The following KLHDC10 variants were observed in gnomAD, a reference collection of about 807,000 sequenced individuals.
KLHDC10 encodes kelch domain-containing protein 10.
Under a neutral mutation model 56.1 loss-of-function variants are expected in KLHDC10, and 24 were observed. The ratio of observed to expected loss-of-function variants is 0.43; its 90% CI spans 0.31 to 0.60. The LOEUF (loss-of-function observed/expected upper bound fraction) is 0.60, where lower values mean the gene tolerates loss of function less well. KLHDC10 is among the 20% of genes least tolerant of loss of function. The pLI is 0.11. For missense variants in KLHDC10, 349 were observed against 567.0 expected (o/e 0.62, Z 3.91); for synonymous variants, 188 against 207.1 (o/e 0.91, Z 0.79).
At position 130,096,788 on chromosome 7, in the gene KLHDC10, C is replaced by T. The variant is rs1410034338; in HGVS notation, c.167-133C>T. 4 of 565,002 alleles carry T rather than the reference C, an allele frequency of 7.1e-6. No homozygotes were observed. In the African/African-American group the frequency reaches 7.4e-5, roughly 11 times the overall value. 35.0% of individuals were successfully genotyped at this position (565,002 alleles called of 1,614,324 possible). ...ACTTCCAAAACAGGGTTAAATGCTA[C>T]TTTACGTCACTTTCTTTCTGTATTC... On this transcript the variant is annotated intron_variant, in intron 1 of 9. Transcript: ENST00000335420.
intron 2 of KLHDC10, among the ~76,000 whole-genome samples, chr7:130,113,767 G>A (rs1796132632): frequency 6.6e-6 from 1 of 152,162 alleles, no homozygotes; most frequent in Non-Finnish European, 1.5e-5. Flanking sequence ...TACTTTCCCT[G>A]CTGTACAGCC....
In KLHDC10 at chr7:130,125,811, T is replaced by A. The variant is rs1300449092; in HGVS notation, c.865-54T>A. ...TTTTTTAAAAAATCCTTTTTCAGGC[T>A]AGCTAAAATTACAATTATTTATGTA... On this transcript the variant is annotated intron_variant, in intron 6 of 9. Transcript: ENST00000335420. The A allele has an allele frequency of 1.3e-5, 18 of 1,352,892 alleles. No homozygotes were observed. In the South Asian group the frequency reaches 1.4e-4, roughly 11 times the overall value. The allele number at this position is 1,352,892 out of a possible 1,614,324, so 83.8% of individuals were successfully genotyped here.
chr7:130,071,266 A>G (rs1795405661), intron 1 of KLHDC10, among the ~76,000 whole-genome samples: 1 of 152,216 alleles, frequency 6.6e-6, no homozygotes, highest in Non-Finnish European at 1.5e-5. Flanking sequence ...TGTAAGAGGC[A>G]TTCTGAAACG....
intron 8 of KLHDC10, among the ~76,000 whole-genome samples, chr7:130,128,889 A>AAT (rs1554468213): frequency 0.015 from 986 of 66,874 alleles, 34 homozygotes; most frequent in Middle Eastern, 0.033. Context: ...AAAAAAAAAA[A>AAT]ATATATATAT....
chr7:130,134,123 C>T lies in KLHDC10; in HGVS notation c.*3377C>T, dbSNP rs1796436241. 1 of 152,200 alleles carries T rather than the reference C, an allele frequency of 6.6e-6. No individual in the cohort carries two copies. The highest frequency in any genetic ancestry group is 1.5e-5 in the Non-Finnish European group (1 of 68,030). 9.4% of individuals were successfully genotyped at this position (152,200 alleles called of 1,614,324 possible). On this transcript the variant is annotated 3_prime_UTR_variant, in exon 10 of 10. Transcript: ENST00000335420. ...TGAAATCCATAGATAATCAGTGAAT[C>T]AACTTTCCTACCAAACAATAGATTC... is the stretch of plus-strand genomic sequence containing the variant.
At chr7:130,127,901 A>T (rs752501769) in intron 8 of KLHDC10, among the ~76,000 whole-genome samples, 1 of 152,346 alleles carries the variant, frequency 6.6e-6, no homozygotes, top group African/African-American at 2.4e-5. Context: ...TTCTTTGGCC[A>T]TATTACAACA....
At chr7:130,075,175 G>T in intron 1 of KLHDC10, among the ~76,000 whole-genome samples, 1 of 152,272 alleles carries the variant, frequency 6.6e-6, no homozygotes, top group Admixed American at 6.5e-5. Context: ...TCAGGAGCGC[G>T]GGGTTCATGG....
intron 1 of KLHDC10, among the ~76,000 whole-genome samples, chr7:130,081,412 C>G (rs966350557): frequency 1.3e-5 from 2 of 151,862 alleles, no homozygotes; most frequent in African/African-American, 2.4e-5. Flanking sequence ...TCTGCCTCCC[C>G]GGTTCAAGCT....
chr7:130,075,844 A>T (rs914692525), intron 1 of KLHDC10, among the ~76,000 whole-genome samples: 3 of 152,212 alleles, frequency 2.0e-5, no homozygotes, highest in Non-Finnish European at 4.4e-5. Flanking sequence ...TTGTCAGTTT[A>T]ATAGGAATAG....
intron 1 of KLHDC10, among the ~76,000 whole-genome samples, chr7:130,071,244 A>G (rs1372754637): frequency 6.6e-6 from 1 of 152,214 alleles, no homozygotes; most frequent in Non-Finnish European, 1.5e-5. Flanking sequence ...TAAAAACTAC[A>G]CGGGGCGTGT....
At chr7:130,126,914 G>A (rs1796323689) in intron 7 of KLHDC10, among the ~76,000 whole-genome samples, 1 of 152,008 alleles carries the variant, frequency 6.6e-6, no homozygotes, top group Non-Finnish European at 1.5e-5. Context: ...ACCAGCCTGT[G>A]CAACATGGTG....
intron 3 of KLHDC10, among the ~76,000 whole-genome samples, chr7:130,119,774 G>A (rs1287205171): frequency 1.3e-5 from 2 of 150,348 alleles, no homozygotes; most frequent in Non-Finnish European, 3.0e-5. Flanking sequence ...AACCTGGGAG[G>A]TGGAGGTTGC....
intron 1 of KLHDC10, among the ~76,000 whole-genome samples, chr7:130,093,271 C>T (rs893876858): frequency 6.6e-6 from 1 of 152,116 alleles, no homozygotes; most frequent in Non-Finnish European, 1.5e-5. Context: ...GTGGCGTGAT[C>T]TTGGCTTACT....
At position 130,122,131 on chromosome 7, in the gene KLHDC10, G is replaced by C; in HGVS notation, c.708G>C (p.Lys236Asn). 1 of 1,614,030 alleles carries C rather than the reference G, an allele frequency of 6.2e-7. No homozygotes were observed. Among genetic ancestry groups the C allele is most frequent in the Non-Finnish European group, 8.5e-7 (1 of 1,179,908 alleles). ...ATATTTACAGCACAGACCTGCACAAGTTAGATCTCAATACCAGAGAGTGGA... is the reference window on the plus strand; with the variant it reads ...ATATTTACAGCACAGACCTGCACAACTTAGATCTCAATACCAGAGAGTGGA... ...TGYIYSTDLHKLDLNTREWTQ... is the reference protein window; with the variant it reads ...TGYIYSTDLHNLDLNTREWTQ... Residue 236 changes from lysine (K) to asparagine (N), a missense_variant, in exon 5 of 10, where the codon AAG becomes AAC. Transcript: ENST00000335420.
chr7:130,122,314 G>A (rs1161642420), intron 5 of KLHDC10, 112 bp downstream of exon 5: 4 of 973,480 alleles, frequency 4.1e-6, no homozygotes, highest in Non-Finnish European at 6.0e-6. Context: ...TAACTAACTG[G>A]CTGTTGGATG....
chr7:130,072,360 C>T (rs564606861), intron 1 of KLHDC10, among the ~76,000 whole-genome samples: 13 of 152,176 alleles, frequency 8.5e-5, no homozygotes, highest in Non-Finnish European at 1.8e-4. Flanking sequence ...ATGATTTCTG[C>T]TAAGGGGCTT....
At chr7:130,089,663 A>G (rs967102676) in intron 1 of KLHDC10, among the ~76,000 whole-genome samples, 2 of 152,218 alleles carry the variant, frequency 1.3e-5, no homozygotes, top group Non-Finnish European at 2.9e-5. Flanking sequence ...ATTGGAGAAT[A>G]GAGTGAAGGC....
chr7:130,079,660 T>G (rs1795570854), intron 1 of KLHDC10, among the ~76,000 whole-genome samples: 1 of 152,198 alleles, frequency 6.6e-6, no homozygotes, highest in Non-Finnish European at 1.5e-5. Context: ...GTTTTTTTTA[T>G]TGTGTTATTT....
chr7:130,129,819 C>T lies in KLHDC10; in HGVS notation c.1119+243C>T, dbSNP rs1018762589. On this transcript the variant is annotated intron_variant, in intron 9 of 9. Transcript: ENST00000335420. ...CTACCTGTGGCATTCCGGCCCTGACCGTGATGTCAAAGGTGTTTCCTGGGA... is the reference window on the plus strand; with the variant it reads ...CTACCTGTGGCATTCCGGCCCTGACTGTGATGTCAAAGGTGTTTCCTGGGA... Among the ~76,000 whole-genome samples the T allele has an allele frequency of 1.4e-4, 21 of 152,214 alleles. No homozygotes were observed. In the East Asian group the frequency reaches 3.9e-3, roughly 28 times the overall value.
Sources: allele counts gnomAD v4.1 joint callset (sites outside exome capture counted in the v4.1 genomes callset), GRCh38; gene constraint gnomAD v4.1.1; transcripts MANE v1.5; gene names NCBI Gene and HGNC (gene_info 2026-07-23, HGNC 2026-07-21).